PTPRM: variants seen among roughly 807,000 people sequenced by gnomAD.
PTPRM encodes receptor-type tyrosine-protein phosphatase mu.
A neutral mutation model predicts 186.7 loss-of-function variants in PTPRM; 47 were observed. The observed-to-expected ratio is 0.25, with a 90% confidence interval of 0.20 to 0.32. PTPRM has a LOEUF of 0.32. PTPRM is among the 10% of genes least tolerant of loss of function. The probability of loss-of-function intolerance (pLI) is 1.00; values close to 1 mark genes in which losing one functional copy is unlikely to be tolerated. For missense variants in PTPRM, 1,494 were observed against 1,865.0 expected (o/e 0.80, Z 3.66); for synonymous variants, 668 against 674.9 (o/e 0.99, Z 0.16).
chr18:8,163,487 G>T (rs559326975), intron 14 of PTPRM, among the ~76,000 whole-genome samples: 1 of 152,128 alleles, frequency 6.6e-6, no homozygotes, highest in Non-Finnish European at 1.5e-5. Context: ...CAATACCCAG[G>T]CTGTTAGCCA....
At chr18:8,285,399 T>C (rs182561056) in intron 19 of PTPRM, among the ~76,000 whole-genome samples, 1 of 152,306 alleles carries the variant, frequency 6.6e-6, no homozygotes, top group Admixed American at 6.5e-5. Flanking sequence ...GAATTCAGTT[T>C]TCCCCAAGTG....
At chr18:8,111,394 C>T (rs2091747299) in intron 11 of PTPRM, among the ~76,000 whole-genome samples, 2 of 152,092 alleles carry the variant, frequency 1.3e-5, no homozygotes, top group South Asian at 2.1e-4. Context: ...GGGCGGATCA[C>T]GATGTCAGGA....
chr18:7,584,357 C>A (rs1049651068), intron 1 of PTPRM, among the ~76,000 whole-genome samples: 1 of 152,094 alleles, frequency 6.6e-6, no homozygotes, highest in Admixed American at 6.5e-5. Flanking sequence ...AGGTGTTTGT[C>A]GTCGATTGTT....
intron 1 of PTPRM, among the ~76,000 whole-genome samples, chr18:7,650,446 C>T (rs1447656848): frequency 3.1e-5 from 2 of 64,372 alleles, no homozygotes; most frequent in African/African-American, 1.3e-4. Flanking sequence ...CTTTCAAATC[C>T]CCCCCCCCCC....
At chr18:8,020,972 C>T (rs1428091080) in intron 7 of PTPRM, among the ~76,000 whole-genome samples, 1 of 152,112 alleles carries the variant, frequency 6.6e-6, no homozygotes, top group African/African-American at 2.4e-5. Flanking sequence ...ACATTCCAAG[C>T]CTTTTGTTTC....
chr18:8,384,464 A>C, intron 29 of PTPRM, 97 bp from the exon 30 acceptor site: 4 of 1,406,344 alleles, frequency 2.8e-6, no homozygotes, highest in Non-Finnish European at 3.9e-6. Flanking sequence ...TCTCTTAAAA[A>C]AAAAGGATTA....
At position 7,686,053 on chromosome 18, in the gene PTPRM, A is replaced by T. The variant is rs117998613; in HGVS notation, c.74-88096A>T. The stretch of plus-strand genomic sequence containing the variant: ...ATAGAGGGTAGTTTTAGGGAGCAGG[A>T]TCTACTATCTAACTACTGCCCTGTC... On this transcript the variant is annotated intron_variant, in intron 1 of 32. Coordinates refer to ENST00000580170, the MANE Select transcript of PTPRM (RefSeq NM_001105244.2). 2.1e-3 allele frequency among the ~76,000 whole-genome samples: 326 copies of T among 152,294 alleles called. 6 individuals carry two copies. In the East Asian group the frequency reaches 0.06, roughly 28 times the overall value.
intron 2 of PTPRM, among the ~76,000 whole-genome samples, chr18:7,851,266 CA>C (rs2145937688): frequency 6.6e-6 from 1 of 152,246 alleles, no homozygotes; most frequent in African/African-American, 2.4e-5. Context: ...TCAGGAAAGT[CA>C]AAAGGCAGAG....
At chr18:7,804,536 T>A (rs2044137377) in intron 2 of PTPRM, among the ~76,000 whole-genome samples, 1 of 152,196 alleles carries the variant, frequency 6.6e-6, no homozygotes, top group African/African-American at 2.4e-5. Flanking sequence ...ATGTTATTAG[T>A]ATGGATCTAA....
chr18:8,048,587 A>T (rs566036352), intron 7 of PTPRM, among the ~76,000 whole-genome samples: 22 of 144,432 alleles, frequency 1.5e-4, no homozygotes, highest in South Asian at 8.5e-4. Context: ...GTCTTTTTTA[A>T]AAAAAAAAAA....
intron 14 of PTPRM, among the ~76,000 whole-genome samples, chr18:8,218,707 A>ATG (rs1236527511): frequency 6.6e-6 from 1 of 152,160 alleles, no homozygotes; most frequent in Admixed American, 6.5e-5. Context: ...AGCATGGGTA[A>ATG]TGGTTGTCAA....
rs531938126 is a variant in PTPRM, at chr18:7,798,764, T to C, written c.196+24493T>C. 2.0e-5 allele frequency among the ~76,000 whole-genome samples: 3 copies of C among 152,348 alleles called. No homozygotes were observed. The South Asian group carries it at 6.2e-4, about 32-fold the overall frequency. ...TCTTAACACTCTTTTTGCTTCCTGC[T>C]AACTTCCAATATGGAAACTCACATT... is the stretch of plus-strand genomic sequence containing the variant. On this transcript the variant is annotated intron_variant, in intron 2 of 32. Transcript: ENST00000580170.
chr18:7,860,435 G>C (rs2047316809), intron 2 of PTPRM, among the ~76,000 whole-genome samples: 1 of 152,024 alleles, frequency 6.6e-6, no homozygotes, highest in South Asian at 2.1e-4. Flanking sequence ...ATAAACAGAT[G>C]GATCTATGTG....
At chr18:8,376,350 T>C (rs905308474) in intron 25 of PTPRM, 112 bp from the exon 26 acceptor site, 1 of 1,559,682 alleles carries the variant, frequency 6.4e-7, no homozygotes, top group Non-Finnish European at 8.8e-7. Flanking sequence ...AGTGTACCTT[T>C]TAAGAGGTTT....
At chr18:8,395,932 C>T (rs1045790074) in intron 32 of PTPRM, among the ~76,000 whole-genome samples, 1 of 152,188 alleles carries the variant, frequency 6.6e-6, no homozygotes, top group Non-Finnish European at 1.5e-5. Flanking sequence ...ACCCAGTGTG[C>T]AGAGAGATGT....
chr18:8,186,168 A>G (rs11876874), intron 14 of PTPRM, among the ~76,000 whole-genome samples: 17,266 of 151,956 alleles, frequency 0.11, 1,221 homozygotes, highest in Middle Eastern at 0.29. Flanking sequence ...TCTAATAAAA[A>G]TACAAAAACT....
intron 1 of PTPRM, among the ~76,000 whole-genome samples, chr18:7,671,400 C>A (rs1568018994): frequency 1.3e-5 from 2 of 152,290 alleles, no homozygotes; most frequent in Admixed American, 1.3e-4. Flanking sequence ...TGCCTCTCCC[C>A]CTTTTCTTCC....
At chr18:7,948,071 G>GT (rs2052666510) in intron 5 of PTPRM, among the ~76,000 whole-genome samples, 1 of 148,688 alleles carries the variant, frequency 6.7e-6, no homozygotes, top group East Asian at 2.0e-4. Flanking sequence ...TTTGTCCATT[G>GT]TTTTTTACTA....
chr18:7,899,936 A>T (rs2049570526), intron 3 of PTPRM, among the ~76,000 whole-genome samples: 1 of 152,242 alleles, frequency 6.6e-6, no homozygotes, highest in Non-Finnish European at 1.5e-5. Context: ...CACATGTGAT[A>T]TAATTGAAAA....
Sources: allele counts gnomAD v4.1 joint callset (sites outside exome capture counted in the v4.1 genomes callset), GRCh38; gene constraint gnomAD v4.1.1; transcripts MANE v1.5; gene names NCBI Gene and HGNC (gene_info 2026-07-23, HGNC 2026-07-21).